Variants in ZNF423 observed in about 807,000 individuals in gnomAD.
ZNF423 encodes the protein zinc finger protein 423.
Under a neutral mutation model 95.8 loss-of-function variants are expected in ZNF423, and 12 were observed. The observed-to-expected ratio is 0.13, with a 90% CI of 0.08 to 0.20. The LOEUF (loss-of-function observed/expected upper bound fraction) is 0.20. ZNF423 is among the 10% of genes least tolerant of loss of function. The pLI is 1.00. For synonymous variants in ZNF423, 749 were observed against 711.9 expected, an observed-to-expected ratio of 1.05 and a Z score of -0.83; for missense variants, 1,316 against 1,737.1, an observed-to-expected ratio of 0.76 and a Z score of 4.31.
chr16:49,815,430 T>G (rs1361127229), intron 1 of ZNF423, among the ~76,000 whole-genome samples: 1 of 152,160 alleles, frequency 6.6e-6, no homozygotes, highest in Non-Finnish European at 1.5e-5. Context: ...TGGCACCTGC[T>G]TCTGCTTCAT....
chr16:49,786,741 G>A (rs1293920028), intron 2 of ZNF423, among the ~76,000 whole-genome samples: 3 of 152,194 alleles, frequency 2.0e-5, no homozygotes, highest in African/African-American at 4.8e-5. Context: ...ACTGGGGACC[G>A]TGGATTCACT....
rs181515048 is a variant in ZNF423 at position 49,827,615 on chromosome 16, C to T, written c.40+28120G>A. 5.3e-5 allele frequency among the ~76,000 whole-genome samples: 8 copies of T among 152,100 alleles called. No homozygotes were observed. In the East Asian group the frequency reaches 1.2e-3, roughly 22 times the overall value. ...ACTGAAGCCTTGAGCTCCTGGGCTC[C>T]GGCAATTCTCTCACCTCAGCCTCTC... is the stretch of plus-strand genomic sequence containing the variant. On this transcript the variant is annotated intron_variant, in intron 1 of 7. Coordinates refer to ENST00000563137, the MANE Select transcript of ZNF423 (RefSeq NM_001379286.1).
intron 1 of ZNF423, among the ~76,000 whole-genome samples, chr16:49,848,823 G>A (rs1009665288): frequency 2.0e-5 from 3 of 152,268 alleles, no homozygotes; most frequent in African/African-American, 7.2e-5. Context: ...CCTGTCATCT[G>A]GAGGCAGTTG....
chr16:49,491,987 G>A (rs1348243551), intron 7 of ZNF423, among the ~76,000 whole-genome samples: 1 of 152,160 alleles, frequency 6.6e-6, no homozygotes, highest in African/African-American at 2.4e-5. Context: ...GTGCAGTTTG[G>A]CCGAATGCAC....
intron 2 of ZNF423, among the ~76,000 whole-genome samples, chr16:49,788,122 A>G (rs907899238): frequency 5.3e-5 from 8 of 152,142 alleles, no homozygotes; most frequent in South Asian, 2.1e-4. Context: ...TTTGAGCACC[A>G]CTTACCACGT....
intron 3 of ZNF423, among the ~76,000 whole-genome samples, chr16:49,641,464 G>T (rs1447837170): frequency 6.6e-6 from 1 of 152,190 alleles, no homozygotes; most frequent in Admixed American, 6.5e-5. Context: ...AGAGACACAG[G>T]AACTGGCTGG....
intron 5 of ZNF423, among the ~76,000 whole-genome samples, chr16:49,605,376 A>T (rs150861740): frequency 0.011 from 1,680 of 152,342 alleles, 14 homozygotes; most frequent in Non-Finnish European, 0.017. Context: ...CAACCTCGGG[A>T]AAGTGTCTGT....
At chr16:49,845,142 T>A (rs1366140478) in intron 1 of ZNF423, among the ~76,000 whole-genome samples, 11 of 151,840 alleles carry the variant, frequency 7.2e-5, no homozygotes, top group African/African-American at 2.4e-4. Context: ...GTTTTTTGTT[T>A]GTTTGTTTTT....
intron 2 of ZNF423, among the ~76,000 whole-genome samples, chr16:49,749,057 A>G (rs548757821): frequency 3.5e-4 from 54 of 152,310 alleles, no homozygotes; most frequent in African/African-American, 1.1e-3. Flanking sequence ...GGCATTAAAT[A>G]AAGAGACGAG....
Position 49,839,607 on chromosome 16 carries a change from C to A in ZNF423, c.40+16128G>T, listed in dbSNP as rs2035162009. 1.3e-5 allele frequency among the ~76,000 whole-genome samples: 2 copies of A among 152,204 alleles called. 1 individual carries two copies. The highest frequency in any genetic ancestry group is 1.3e-4 in the Admixed American group (2 of 15,292). ...TGACACTGAGGTCCCCAGGGCAAGACTGGGACCCTGAAGCGGCTTCTGCCC... is the reference window on the plus strand; with the variant it reads ...TGACACTGAGGTCCCCAGGGCAAGAATGGGACCCTGAAGCGGCTTCTGCCC... On this transcript the variant is annotated intron_variant, in intron 1 of 7. Coordinates refer to ENST00000563137, the MANE Select transcript of ZNF423 (RefSeq NM_001379286.1).
intron 5 of ZNF423, among the ~76,000 whole-genome samples, chr16:49,552,712 C>T (rs929380574): frequency 1.3e-5 from 2 of 152,034 alleles, no homozygotes; most frequent in Non-Finnish European, 2.9e-5. Flanking sequence ...CAAGTGCAAG[C>T]GTGTCATTCA....
intron 3 of ZNF423, among the ~76,000 whole-genome samples, chr16:49,705,495 CTTCTT>C (rs754496757): frequency 6.6e-6 from 1 of 152,190 alleles, no homozygotes; most frequent in Non-Finnish European, 1.5e-5. Flanking sequence ...ACTGGATTTT[CTTCTT>C]TTCACTTCTC....
intron 5 of ZNF423, among the ~76,000 whole-genome samples, chr16:49,607,021 CAGAA>C (rs1278916752): frequency 1.3e-5 from 2 of 151,028 alleles, no homozygotes; most frequent in Non-Finnish European, 2.9e-5. Flanking sequence ...CCTGATGCTG[CAGAA>C]AGAAGCCCCA....
At chr16:49,640,888 G>C (rs1206675810) in intron 3 of ZNF423, 3 of 152,414 alleles carry the variant, frequency 2.0e-5, no homozygotes, top group Non-Finnish European at 4.4e-5. Flanking sequence ...ATGAGATGCA[G>C]TGGGAGGCGC....
intron 3 of ZNF423, among the ~76,000 whole-genome samples, chr16:49,651,166 G>A (rs950416324): frequency 4.6e-5 from 7 of 150,716 alleles, no homozygotes; most frequent in Non-Finnish European, 3.0e-5. Flanking sequence ...GACCACAGGT[G>A]CGTGCCACCA....
chr16:49,760,467 T>A (rs1213338798), intron 2 of ZNF423, among the ~76,000 whole-genome samples: 1 of 152,150 alleles, frequency 6.6e-6, no homozygotes, highest in East Asian at 1.9e-4. Context: ...CACGGACCCA[T>A]CAGCACCTGA....
chr16:49,854,371 T>G (rs1352498209), intron 1 of ZNF423: 1 of 985,142 alleles, frequency 1.0e-6, no homozygotes, highest in East Asian at 1.1e-4. Context: ...AACTGACGAG[T>G]GTCTCAAGAT....
intron 7 of ZNF423, among the ~76,000 whole-genome samples, chr16:49,513,557 C>A (rs1363480618): frequency 6.6e-6 from 1 of 152,160 alleles, no homozygotes; most frequent in Admixed American, 6.5e-5. Flanking sequence ...GTTTCCCCTT[C>A]TTCCTTTTCC....
chr16:49,770,579 C>T (rs1203440261), intron 2 of ZNF423, among the ~76,000 whole-genome samples: 1 of 152,092 alleles, frequency 6.6e-6, no homozygotes, highest in Admixed American at 6.5e-5. Context: ...ACAGGCCCCC[C>T]CAGAAGACTC....
Sources: allele counts gnomAD v4.1 joint callset (sites outside exome capture counted in the v4.1 genomes callset), GRCh38; gene constraint gnomAD v4.1.1; transcripts MANE v1.5; gene names NCBI Gene and HGNC (gene_info 2026-07-23, HGNC 2026-07-21).